The following SRGAP3 variants were observed in gnomAD, a reference collection of about 807,000 sequenced individuals.
The protein encoded by SRGAP3 is SLIT-ROBO Rho GTPase-activating protein 3.
A neutral mutation model predicts 121.1 loss-of-function variants in SRGAP3; 39 were observed. That is an observed-to-expected ratio of 0.32 (90% confidence interval 0.25 to 0.42). SRGAP3 has a LOEUF of 0.42. Among genes scored for constraint, SRGAP3 ranks in the 10% least tolerant of loss-of-function variants. The pLI is 1.00. For missense variants in SRGAP3, 1,213 were observed against 1,470.6 expected, an observed-to-expected ratio of 0.82 and a Z score of 2.86; for synonymous variants, 601 against 570.0, an observed-to-expected ratio of 1.05 and a Z score of -0.77.
intron 1 of SRGAP3, among the ~76,000 whole-genome samples, chr3:9,126,971 A>T (rs1270358151): frequency 6.6e-6 from 1 of 152,226 alleles, no homozygotes; most frequent in East Asian, 1.9e-4. Context: ...AATAATAAAA[A>T]GTGTTTTTAA....
intron 1 of SRGAP3, among the ~76,000 whole-genome samples, chr3:9,213,802 C>T (rs899928712): frequency 7.9e-5 from 12 of 152,232 alleles, no homozygotes; most frequent in African/African-American, 2.4e-4. Flanking sequence ...ATTCCCGATG[C>T]ACATACTTTC....
chr3:9,354,082 G>C (rs927790877), intron 1 of SRGAP3, among the ~76,000 whole-genome samples: 1 of 152,040 alleles, frequency 6.6e-6, no homozygotes, highest in African/African-American at 2.4e-5. Context: ...ATTTAATGTA[G>C]AGGAACAAAC....
intron 3 of SRGAP3, 118 bp from the exon 4 acceptor site, chr3:9,080,205 A>G: frequency 1.1e-6 from 1 of 901,752 alleles, no homozygotes; most frequent in Non-Finnish European, 1.8e-6. Context: ...GGGTACAGAA[A>G]TCAGCATAAA....
chr3:9,280,664 T>C (rs1379170892), intron 3 of SRGAP3, among the ~76,000 whole-genome samples: 1 of 152,228 alleles, frequency 6.6e-6, no homozygotes, highest in Non-Finnish European at 1.5e-5. Context: ...AAGCTGCTTT[T>C]CACTGCTTGA....
chr3:9,024,818 C>T (rs1429646709), intron 14 of SRGAP3, among the ~76,000 whole-genome samples: 2 of 152,176 alleles, frequency 1.3e-5, no homozygotes, highest in African/African-American at 4.8e-5. Context: ...TAAAATGTAG[C>T]ATCATTTACA....
At chr3:9,052,915 A>G (rs1945652040) in intron 9 of SRGAP3, 112 bp downstream of exon 9, 1 of 1,285,618 alleles carries the variant, frequency 7.8e-7, no homozygotes, top group South Asian at 1.2e-5. Context: ...GGAGTCTTAG[A>G]TCCAATTGAC....
At chr3:9,090,240 A>G (rs891407346) in intron 3 of SRGAP3, among the ~76,000 whole-genome samples, 3 of 152,130 alleles carry the variant, frequency 2.0e-5, no homozygotes, top group Non-Finnish European at 4.4e-5. Context: ...CACGCACCCT[A>G]AAGACCAGAT....
intron 3 of SRGAP3, among the ~76,000 whole-genome samples, chr3:9,276,346 T>G (rs1464331737): frequency 1.3e-5 from 2 of 152,132 alleles, no homozygotes; most frequent in Non-Finnish European, 2.9e-5. Context: ...TGAGCCCACC[T>G]GTCTTGCTGG....
intron 14 of SRGAP3, among the ~76,000 whole-genome samples, chr3:9,019,874 T>C (rs1943827250): frequency 6.6e-6 from 1 of 152,182 alleles, no homozygotes; most frequent in African/African-American, 2.4e-5. Context: ...GGTCAATCTC[T>C]CAAATGTTCC....
intron 3 of SRGAP3, among the ~76,000 whole-genome samples, chr3:9,093,960 C>T (rs1009532888): frequency 1.3e-5 from 2 of 152,176 alleles, no homozygotes; most frequent in East Asian, 1.9e-4. Flanking sequence ...AAAAGGAGAG[C>T]GAACAATAAC....
intron 3 of SRGAP3, among the ~76,000 whole-genome samples, chr3:9,101,645 A>T (rs1948220070): frequency 6.6e-6 from 1 of 152,244 alleles, no homozygotes; most frequent in Non-Finnish European, 1.5e-5. Flanking sequence ...AGTTGCCGAA[A>T]GAGTTGCAGA....
chr3:9,030,890 C>T (rs6803548), intron 12 of SRGAP3, among the ~76,000 whole-genome samples: 81,297 of 151,924 alleles, frequency 0.54, 22,245 homozygotes, highest in East Asian at 0.71. Context: ...CCATCTTTCT[C>T]TCAAAGCCCC....
chr3:9,338,194 G>C (rs549622814), intron 1 of SRGAP3, among the ~76,000 whole-genome samples: 7 of 152,098 alleles, frequency 4.6e-5, no homozygotes, highest in East Asian at 1.9e-4. Context: ...CTTGCACTTG[G>C]GGGGGAATGG....
At chr3:9,065,667 T>C (rs1415359336) in intron 4 of SRGAP3, 1 of 152,238 alleles carries the variant, frequency 6.6e-6, no homozygotes. Flanking sequence ...GCCGTACATA[T>C]CAGAACTTCT....
intron 3 of SRGAP3, among the ~76,000 whole-genome samples, chr3:9,272,658 A>G (rs1333096211): frequency 1.3e-5 from 2 of 152,202 alleles, no homozygotes; most frequent in Non-Finnish European, 2.9e-5. Flanking sequence ...TGATACATCA[A>G]TGGACACTTG....
chr3:9,065,585 T>A (rs1485110279), intron 4 of SRGAP3: 2 of 152,226 alleles, frequency 1.3e-5, no homozygotes, highest in Admixed American at 1.3e-4. Context: ...TTCCATGGAA[T>A]CATACAATAT....
chr3:9,124,825 G>A lies in SRGAP3; in HGVS notation c.160C>T (p.Arg54Cys), dbSNP rs761801457. The A allele has an allele frequency of 1.2e-6, 2 of 1,614,080 alleles. No individual in the cohort carries two copies. The highest frequency in any genetic ancestry group is 1.3e-5 in the African/African-American group (1 of 74,948). The change falls in exon 2 of 22, where the codon CGC becomes TGC. Residue 54 changes from arginine to cysteine, a missense_variant. By Grantham distance (180) the Arg-to-Cys change is radical. Coordinates refer to ENST00000383836, the MANE Select transcript of SRGAP3 (RefSeq NM_014850.4). The stretch of plus-strand genomic sequence containing the variant: ...TCGAGCTCAATCTCAGCTTTCCGGC[G>A]GAAAAACTCCTGGAGGTCTTGAAGC... ...QLLQDLQEFFRRKAEIELEYS... is the reference protein window; with the variant it reads ...QLLQDLQEFFCRKAEIELEYS...
intron 1 of SRGAP3, among the ~76,000 whole-genome samples, chr3:9,173,052 C>G (rs1219333588): frequency 2.0e-5 from 3 of 152,198 alleles, no homozygotes; most frequent in African/African-American, 7.2e-5. Flanking sequence ...CCCCTAAGCA[C>G]TGTGCACCAG....
intron 1 of SRGAP3, among the ~76,000 whole-genome samples, chr3:9,346,363 C>T (rs1282459877): frequency 1.3e-5 from 2 of 152,168 alleles, no homozygotes; most frequent in African/African-American, 4.8e-5. Flanking sequence ...CCATCTCAGC[C>T]TCCCAAGTAG....
Sources: gnomAD v4.1 joint callset for allele counts (sites outside exome capture counted in the v4.1 genomes callset) on GRCh38, gnomAD v4.1.1 for gene constraint, MANE v1.5 for transcripts, NCBI Gene and HGNC (gene_info 2026-07-23, HGNC 2026-07-21) for gene names.